PPARG: variants seen among roughly 807,000 people sequenced by gnomAD.
PPARG encodes peroxisome proliferator activated receptor gamma.
A neutral mutation model predicts 39.2 loss-of-function variants in PPARG; 17 were observed. The observed-to-expected ratio is 0.43, with a 90% CI of 0.30 to 0.65. PPARG has a LOEUF of 0.65. PPARG is among the 30% of genes least tolerant of loss of function. PPARG has a pLI of 0.13. For synonymous variants in PPARG, 223 were observed against 215.7 expected (o/e 1.03, Z -0.30); for missense variants, 406 against 585.9 (o/e 0.69, Z 3.17).
chr3:12,298,634 T>C (rs934869182), intron 1 of PPARG, among the ~76,000 whole-genome samples: 2 of 152,340 alleles, frequency 1.3e-5, no homozygotes, highest in Admixed American at 6.5e-5. Context: ...AGAAATTTCA[T>C]ATCAGTGTTA....
At chr3:12,304,852 T>C (rs2047018794) in intron 1 of PPARG, among the ~76,000 whole-genome samples, 1 of 152,168 alleles carries the variant, frequency 6.6e-6, no homozygotes. Context: ...GGGAAAACTT[T>C]TTGGCTGAGT....
intron 5 of PPARG, among the ~76,000 whole-genome samples, chr3:12,404,353 A>G (rs1457120725): frequency 6.6e-6 from 1 of 152,216 alleles, no homozygotes; most frequent in Admixed American, 6.5e-5. Context: ...TTTAGGGTCA[A>G]TGGAAATGAA....
chr3:12,295,637 C>T (rs138316828), intron 1 of PPARG, among the ~76,000 whole-genome samples: 15,604 of 151,790 alleles, frequency 0.1, 962 homozygotes, highest in Admixed American at 0.2. Flanking sequence ...CCTCAGCCTC[C>T]CGAGTAGCTG....
Position 12,430,891 on chromosome 3 carries a change from G to C in PPARG, c.1181-3007G>C, listed in dbSNP as rs1444186347. Among the ~76,000 whole-genome samples the C allele has an allele frequency of 2.6e-5, 4 of 152,164 alleles. No homozygotes were observed. The East Asian group carries it at 7.7e-4, about 29-fold the overall frequency. ...AAGTGCAGAGTCCTGACAGAACATAGGGTGTTTGAGGAACTTGGTATGGAA... is the reference window on the plus strand; with the variant it reads ...AAGTGCAGAGTCCTGACAGAACATACGGTGTTTGAGGAACTTGGTATGGAA... On this transcript the variant is annotated intron_variant, in intron 7 of 7. Transcript: ENST00000651735.
intron 7 of PPARG, among the ~76,000 whole-genome samples, chr3:12,421,400 C>G (rs189423028): frequency 7.9e-5 from 12 of 152,348 alleles, no homozygotes; most frequent in Admixed American, 7.2e-4. Context: ...ATGTTTGCAA[C>G]TGGCGCCGCA....
At chr3:12,377,465 T>G (rs2049457763) in intron 2 of PPARG, among the ~76,000 whole-genome samples, 1 of 152,200 alleles carries the variant, frequency 6.6e-6, no homozygotes, top group African/African-American at 2.4e-5. Context: ...CAGAAAAGAT[T>G]ATTGAGTAAT....
chr3:12,404,293 T>C (rs572215606), intron 5 of PPARG, among the ~76,000 whole-genome samples: 1 of 152,318 alleles, frequency 6.6e-6, no homozygotes, highest in Admixed American at 6.5e-5. Context: ...GTCTGGTCTC[T>C]AAGGAGGCCC....
intron 2 of PPARG, among the ~76,000 whole-genome samples, chr3:12,315,667 C>T (rs2047369477): frequency 6.6e-6 from 1 of 152,146 alleles, no homozygotes; most frequent in South Asian, 2.1e-4. Flanking sequence ...ATTTTCTAAT[C>T]CTTCTCATAC....
intron 2 of PPARG, among the ~76,000 whole-genome samples, chr3:12,350,867 C>T (rs1201726341): frequency 1.3e-5 from 2 of 152,104 alleles, no homozygotes; most frequent in Admixed American, 6.6e-5. Flanking sequence ...AAAGCAAACC[C>T]GATGTATAAA....
At chr3:12,388,389 C>A (rs2049955843) in intron 4 of PPARG, among the ~76,000 whole-genome samples, 1 of 152,156 alleles carries the variant, frequency 6.6e-6, no homozygotes, top group South Asian at 2.1e-4. Flanking sequence ...GGGTTTTCCC[C>A]ATGATAGATG....
chr3:12,433,645 C>CA (rs1462486121), intron 7 of PPARG, among the ~76,000 whole-genome samples: 1 of 152,140 alleles, frequency 6.6e-6, no homozygotes, highest in Non-Finnish European at 1.5e-5. Flanking sequence ...CATGCTCCCT[C>CA]AGCTGACCAC....
chr3:12,416,985 T>G lies in PPARG; in HGVS notation c.1011T>G (p.Val337=), dbSNP rs763952199. ...MLASLMNKDG[V]LISEGQGFMT... The stretch of plus-strand genomic sequence containing the variant: ...CCTCCTTGATGAATAAAGATGGGGT[T>G]CTCATATCCGAGGGCCAAGGCTTCA... The change falls in exon 7 of 8, where the codon GTT becomes GTG. Residue 337 remains valine (V), a synonymous_variant. Transcript: ENST00000651735. 6.2e-7 allele frequency: 1 copy of G among 1,613,914 alleles called. No individual in the cohort carries two copies.
At chr3:12,318,905 T>C (rs2047463677) in intron 2 of PPARG, among the ~76,000 whole-genome samples, 1 of 152,096 alleles carries the variant, frequency 6.6e-6, no homozygotes, top group Non-Finnish European at 1.5e-5. Flanking sequence ...TCAGTCCAGA[T>C]CCTGTGATCT....
intron 5 of PPARG, among the ~76,000 whole-genome samples, chr3:12,394,608 G>T (rs1220303883): frequency 6.6e-6 from 1 of 152,146 alleles, no homozygotes. Context: ...TGAATTAAGT[G>T]TCATGACATC....
chr3:12,372,421 C>G (rs917138631), intron 2 of PPARG, among the ~76,000 whole-genome samples: 21 of 152,270 alleles, frequency 1.4e-4, no homozygotes, highest in African/African-American at 4.8e-4. Flanking sequence ...CTTCCAGGTC[C>G]ATGCCTCAGT....
chr3:12,421,034 A>G (rs2051242280), intron 7 of PPARG, among the ~76,000 whole-genome samples: 1 of 152,208 alleles, frequency 6.6e-6, no homozygotes, highest in Non-Finnish European at 1.5e-5. Flanking sequence ...TTCCATCCTG[A>G]CAGCGCTCCT....
intron 1 of PPARG, among the ~76,000 whole-genome samples, chr3:12,295,003 G>A (rs1443866991): frequency 6.6e-6 from 1 of 152,152 alleles, no homozygotes; most frequent in Non-Finnish European, 1.5e-5. Context: ...CACCTCAAAA[G>A]CAAGGTCATA....
intron 7 of PPARG, 142 bp downstream of exon 7, chr3:12,417,296 G>A: frequency 1.2e-6 from 1 of 864,500 alleles, no homozygotes; most frequent in Non-Finnish European, 1.9e-6. Flanking sequence ...CACTACACGT[G>A]CAAAACACTG....
chr3:12,313,839 T>G (rs2047317100), intron 2 of PPARG, among the ~76,000 whole-genome samples: 1 of 152,202 alleles, frequency 6.6e-6, no homozygotes, highest in African/African-American at 2.4e-5. Flanking sequence ...TATACATAAA[T>G]GACTGAATAA....
Sources: gnomAD v4.1 joint callset for allele counts (sites outside exome capture counted in the v4.1 genomes callset) on GRCh38, gnomAD v4.1.1 for gene constraint, MANE v1.5 for transcripts, NCBI Gene and HGNC (gene_info 2026-07-23, HGNC 2026-07-21) for gene names.